HAVCR1: variants seen among roughly 807,000 people sequenced by gnomAD.
HAVCR1 encodes T cell immunoglobin domain and mucin domain protein 1.
Under a neutral mutation model 32.0 loss-of-function variants are expected in HAVCR1, and 34 were observed. That is an observed-to-expected ratio of 1.06 (90% confidence interval 0.81 to 1.42). HAVCR1 has a LOEUF of 1.42. Ranked by LOEUF, HAVCR1 falls within the 40% of genes most tolerant of loss-of-function variation. The pLI, the probability that HAVCR1 is intolerant of heterozygous loss-of-function variation, is 0.00. For synonymous variants in HAVCR1, 178 were observed against 170.3 expected, an observed-to-expected ratio of 1.05 and a Z score of -0.35; for missense variants, 420 against 442.3, an observed-to-expected ratio of 0.95 and a Z score of 0.45.
At chr5:157,044,057 C>A (rs889652686) in intron 5 of HAVCR1, among the ~76,000 whole-genome samples, 1 of 152,082 alleles carries the variant, frequency 6.6e-6, no homozygotes, top group East Asian at 1.9e-4. Context: ...CAAGGCCAGG[C>A]ACAGTGGCTC....
chr5:157,043,617 G>C (rs553826004), intron 5 of HAVCR1, among the ~76,000 whole-genome samples: 1 of 152,196 alleles, frequency 6.6e-6, no homozygotes, highest in Non-Finnish European at 1.5e-5. Context: ...TCGGTGAGCT[G>C]TGATGGCACC....
intron 5 of HAVCR1, among the ~76,000 whole-genome samples, chr5:157,046,176 T>G (rs1755385964): frequency 6.6e-6 from 1 of 152,104 alleles, no homozygotes; most frequent in African/African-American, 2.4e-5. Flanking sequence ...GCAAAAAAAG[T>G]AGGCCATGTA....
intron 8 of HAVCR1, 53 bp from the exon 9 acceptor site, chr5:157,029,894 T>C: frequency 8.8e-6 from 13 of 1,483,898 alleles, no homozygotes; most frequent in Non-Finnish European, 1.2e-5. Flanking sequence ...AGCAGACCAC[T>C]TCTCACATAT....
At chr5:157,058,103 A>C (rs1380768175) in intron 1 of HAVCR1, 148 bp from the exon 2 acceptor site, 1 of 638,744 alleles carries the variant, frequency 1.6e-6, no homozygotes, top group Admixed American at 2.3e-5. Flanking sequence ...AAGACCACAT[A>C]TAACGGCTTC....
Position 157,052,803 on chromosome 5 carries a change from G to C in HAVCR1, c.380-149C>G, listed in dbSNP as rs1254072348. ...GTCAATCTTGGTCATTGCCCAGCTA[G>C]AAACTGTGACAGGAGAGGGCCTTGG... On this transcript the variant is annotated intron_variant, in intron 3 of 8. Transcript: ENST00000523175. The C allele has an allele frequency of 6.2e-5, 45 of 720,122 alleles. No homozygotes were observed. In the East Asian group the frequency reaches 1.1e-3, roughly 17 times the overall value. 44.6% of individuals were successfully genotyped at this position (720,122 alleles called of 1,614,324 possible).
intron 4 of HAVCR1, among the ~76,000 whole-genome samples, chr5:157,050,990 C>A (rs536651579): frequency 6.6e-6 from 1 of 152,142 alleles, no homozygotes; most frequent in Non-Finnish European, 1.5e-5. Flanking sequence ...TCCAGAGCCA[C>A]CCTAAGGGGT....
intron 3 of HAVCR1, among the ~76,000 whole-genome samples, chr5:157,054,186 ATCT>A (rs1755963471): frequency 8.0e-6 from 1 of 125,578 alleles, no homozygotes; most frequent in East Asian, 2.2e-4. Flanking sequence ...GTGAGACTCC[ATCT>A]CAAAAAAAAA....
the HAVCR1 span, among the ~76,000 whole-genome samples, chr5:157,068,860 T>C: frequency 1.3e-5 from 2 of 152,236 alleles, no homozygotes; most frequent in East Asian, 3.9e-4. Flanking sequence ...ATCCCCCTGC[T>C]TCAGACTCCC....
intron 6 of HAVCR1, among the ~76,000 whole-genome samples, chr5:157,038,229 T>C (rs1412713903): frequency 2.0e-5 from 3 of 152,088 alleles, no homozygotes; most frequent in Non-Finnish European, 1.5e-5. Context: ...CATGAAGAAA[T>C]GTAAAATTGT....
upstream of HAVCR1, among the ~76,000 whole-genome samples, chr5:157,060,725 T>A (rs1019073305): frequency 6.6e-6 from 1 of 152,118 alleles, no homozygotes; most frequent in Admixed American, 6.6e-5. Context: ...TCTGAGATGT[T>A]ACATAACTGT....
chr5:157,041,825 G>A (rs1355070517), intron 6 of HAVCR1, among the ~76,000 whole-genome samples: 2 of 152,062 alleles, frequency 1.3e-5, no homozygotes, highest in Admixed American at 6.5e-5. Flanking sequence ...TTGGGAGGCC[G>A]AGGCGGGTAG....
intron 3 of HAVCR1, among the ~76,000 whole-genome samples, chr5:157,054,190 C>CAAAAAAAAAAAA (rs900551230): frequency 2.4e-5 from 1 of 42,206 alleles, no homozygotes; most frequent in Non-Finnish European, 4.8e-5. Flanking sequence ...GACTCCATCT[C>CAAAAAAAAAAAA]AAAAAAAAAA....
At chr5:157,049,278 G>A in intron 4 of HAVCR1, 133 bp from the exon 5 acceptor site, 3 of 668,470 alleles carry the variant, frequency 4.5e-6, no homozygotes, top group Non-Finnish European at 5.5e-6. Flanking sequence ...CTTCCACAGT[G>A]GGCATGCAGG....
intron 2 of HAVCR1, 90 bp downstream of exon 2, chr5:157,057,808 C>T (rs1756305100): frequency 1.1e-6 from 1 of 912,716 alleles, no homozygotes. Flanking sequence ...TAATCCACCA[C>T]CACCATCCCC....
chr5:157,052,471 G>A lies in HAVCR1; in HGVS notation c.563C>T (p.Thr188Met), dbSNP rs201598799. ...VLTTMTVSTT[T>M]SVPTTTSIPT... ...AATGCTCGTTGTCGTTGGAACGCTC[G>A]TTGTCGTTGAAACAGTCATTGTCGT... The change falls in exon 4 of 9, where the codon ACG becomes ATG. Residue 188 changes from threonine to methionine, a missense_variant. Thr to Met is a moderately conservative substitution (Grantham distance 81). Coordinates refer to ENST00000523175, the MANE Select transcript of HAVCR1 (RefSeq NM_001173393.3). The A allele has an allele frequency of 2.2e-5, 36 of 1,602,860 alleles. No homozygotes were observed. Among genetic ancestry groups the A allele is most frequent in the African/African-American group, 5.4e-5 (4 of 74,492 alleles).
chr5:157,043,349 A>G (rs1476469670), intron 5 of HAVCR1, among the ~76,000 whole-genome samples: 1 of 152,226 alleles, frequency 6.6e-6, no homozygotes, highest in Non-Finnish European at 1.5e-5. Flanking sequence ...AACATGTTTT[A>G]AAATATCTGC....
At position 157,057,362 on chromosome 5, in the gene HAVCR1, AAGAGAG is replaced by A. The variant is rs140801641; in HGVS notation, c.46+530_46+535del. ...CTGCACTCCAGAGTGAGACCTCATGAAGAGAGAGAGAGAGAGAGAGAGAGGAAAGAA... is the reference window on the plus strand; with the variant it reads ...CTGCACTCCAGAGTGAGACCTCATGAAGAGAGAGAGAGAGAGAGGAAAGAA... On this transcript the variant is annotated intron_variant, in intron 2 of 8. Coordinates refer to ENST00000523175, the MANE Select transcript of HAVCR1 (RefSeq NM_001173393.3). 1.3e-3 allele frequency among the ~76,000 whole-genome samples: 170 copies of A among 130,000 alleles called. 6 individuals are homozygous for A. The highest frequency in any genetic ancestry group is 0.012 in the Admixed American group (150 of 12,162). The allele number at this position is 130,000 out of a possible 152,430, so 85.3% of individuals were successfully genotyped here. A position where few individuals can be genotyped will look rare whatever the true frequency, so the allele number is the denominator to read the frequency against.
chr5:157,039,303 AT>A (rs1257880358), intron 6 of HAVCR1, among the ~76,000 whole-genome samples: 1 of 152,186 alleles, frequency 6.6e-6, no homozygotes, highest in Admixed American at 6.5e-5. Context: ...CTTTCACTTA[AT>A]AATGTGTTAT....
chr5:157,059,997 A>G (rs1053308301), upstream of HAVCR1, among the ~76,000 whole-genome samples: 2 of 149,460 alleles, frequency 1.3e-5, no homozygotes, highest in African/African-American at 2.5e-5. Flanking sequence ...AAAAAGATTG[A>G]AAAAAAAAAG....
Sources: gnomAD v4.1 joint callset for allele counts (sites outside exome capture counted in the v4.1 genomes callset) on GRCh38, gnomAD v4.1.1 for gene constraint, MANE v1.5 for transcripts, NCBI Gene and HGNC (gene_info 2026-07-23, HGNC 2026-07-21) for gene names.